The following SPATA18 variants were observed in gnomAD, a reference collection of about 807,000 sequenced individuals.
SPATA18 encodes mitochondria-eating protein.
SPATA18 carries 54 observed loss-of-function variants against 68.1 expected under a neutral mutation model. The observed-to-expected ratio is 0.79, with a 90% CI of 0.64 to 0.99. The LOEUF (loss-of-function observed/expected upper bound fraction) is 0.99. Among genes scored for constraint, SPATA18 ranks in the 50% least tolerant of loss-of-function variants. The pLI is 0.00. For missense variants in SPATA18, 724 were observed against 681.1 expected, an observed-to-expected ratio of 1.06 and a Z score of -0.70; for synonymous variants, 242 against 244.8, an observed-to-expected ratio of 0.99 and a Z score of 0.11.
intron 1 of SPATA18, among the ~76,000 whole-genome samples, chr4:52,056,124 T>G (rs1738320284): frequency 1.3e-5 from 2 of 152,130 alleles, no homozygotes. Flanking sequence ...ATAGCAAAAT[T>G]GCCCCTCATT....
intron 6 of SPATA18, among the ~76,000 whole-genome samples, chr4:52,072,963 G>A (rs1739995918): frequency 6.6e-6 from 1 of 152,148 alleles, no homozygotes; most frequent in Non-Finnish European, 1.5e-5. Flanking sequence ...CATCCAGACA[G>A]TGTTAAGTAA....
intron 10 of SPATA18, chr4:52,082,800 A>G (rs1741060239): frequency 8.2e-7 from 1 of 1,213,384 alleles, no homozygotes; most frequent in South Asian, 1.8e-5. Flanking sequence ...TTTAAAAACA[A>G]AGCCCTTTGA....
At chr4:52,056,668 G>T (rs532215214) in intron 1 of SPATA18, among the ~76,000 whole-genome samples, 3 of 152,158 alleles carry the variant, frequency 2.0e-5, no homozygotes, top group African/African-American at 4.8e-5. Flanking sequence ...TACTGGCACA[G>T]GTGTAATTTG....
chr4:52,077,224 T>TTTCC (rs1304546799), intron 7 of SPATA18, among the ~76,000 whole-genome samples, 184 bp downstream of exon 7: 1 of 150,534 alleles, frequency 6.6e-6, no homozygotes, highest in Non-Finnish European at 1.5e-5. Flanking sequence ...TCCTTTCCTA[T>TTTCC]TTCCTTCCTT....
chr4:52,094,778 C>T (rs1742290555), intron 12 of SPATA18, 102 bp from the exon 13 acceptor site: 1 of 1,508,100 alleles, frequency 6.6e-7, no homozygotes, highest in Non-Finnish European at 9.2e-7. Context: ...CAAGAGGCTT[C>T]ATTGCCATAA....
chr4:52,078,050 A>G (rs1322090708), intron 7 of SPATA18, among the ~76,000 whole-genome samples: 1 of 152,132 alleles, frequency 6.6e-6, no homozygotes, highest in East Asian at 1.9e-4. Flanking sequence ...TTTCTAAGAG[A>G]AATACTACTG....
intron 6 of SPATA18, among the ~76,000 whole-genome samples, chr4:52,074,397 G>A (rs1740135145): frequency 6.6e-6 from 1 of 152,154 alleles, no homozygotes. Context: ...TTTTTGAGAG[G>A]CCCCATATGA....
chr4:52,060,120 A>G (rs1206516790), intron 1 of SPATA18, among the ~76,000 whole-genome samples: 1 of 152,196 alleles, frequency 6.6e-6, no homozygotes, highest in African/African-American at 2.4e-5. Flanking sequence ...AGAAGGGAAA[A>G]GAAAAAAAAG....
intron 10 of SPATA18, chr4:52,083,086 C>T: frequency 1.2e-6 from 1 of 864,970 alleles, no homozygotes; most frequent in Non-Finnish European, 1.3e-6. Context: ...AATACTTGAA[C>T]AGCCTTTAAA....
chr4:52,094,875 C>T lies in SPATA18; in HGVS notation c.1610-5C>T. On this transcript the variant is annotated splice_region_variant and splice_polypyrimidine_tract_variant and intron_variant, in intron 12 of 12. Coordinates refer to ENST00000295213, the MANE Select transcript of SPATA18 (RefSeq NM_145263.4). Reference sequence around the variant, plus strand: ...TAATAATGAACTGTCTATTTTTCTCCCTAGGATTTTAAAAGCACCAGACCT... The same window carrying T: ...TAATAATGAACTGTCTATTTTTCTCTCTAGGATTTTAAAAGCACCAGACCT... 2 of 1,613,862 alleles carry T rather than the reference C, an allele frequency of 1.2e-6. No individual in the cohort carries two copies. The highest frequency in any genetic ancestry group is 1.7e-6 in the Non-Finnish European group (2 of 1,179,890).
Position 52,076,888 on chromosome 4 carries a change from C to A in SPATA18, c.868C>A (p.Arg290Ser), listed in dbSNP as rs999831483. The A allele has an allele frequency of 5.6e-6, 9 of 1,614,088 alleles. No individual in the cohort carries two copies. Among genetic ancestry groups the A allele is most frequent in the Non-Finnish European group, 7.6e-6 (9 of 1,180,038 alleles). The change falls in exon 7 of 13, where the codon CGC becomes AGC. Residue 290 changes from arginine to serine, a missense_variant. Transcript: ENST00000295213. Reference sequence around the variant, plus strand: ...CAAGGTCAGGAGACCGTCCCCAAACCGCTCCAAGCTGTCCAATGTGGCGCG... The same window carrying A: ...CAAGGTCAGGAGACCGTCCCCAAACAGCTCCAAGCTGTCCAATGTGGCGCG... ...AVKVRRPSPN[R>S]SKLSNVARKA...
intron 11 of SPATA18, among the ~76,000 whole-genome samples, chr4:52,088,497 TTTTATTGAA>T (rs1370858574): frequency 2.0e-5 from 3 of 152,304 alleles, no homozygotes; most frequent in African/African-American, 7.2e-5. Context: ...GCGTGTGGAA[TTTTATTGAA>T]TTTATTGAAT....
At chr4:52,094,715 T>C in intron 12 of SPATA18, 143 bp downstream of exon 12, 3 of 1,271,200 alleles carry the variant, frequency 2.4e-6, no homozygotes, top group Non-Finnish European at 3.4e-6. Context: ...TCTGGGCCTC[T>C]GGCTGATGGT....
rs1227753590 is a variant in SPATA18 at position 52,083,288 on chromosome 4, G to A, written c.1479+778G>A. On this transcript the variant is annotated intron_variant, in intron 10 of 12. Transcript: ENST00000295213. Reference sequence around the variant, plus strand: ...TGATGCCCACAGCTGGCTGATCTCTGTTCCTGTTCTCCTTGAACTGAAGAA... The same window carrying A: ...TGATGCCCACAGCTGGCTGATCTCTATTCCTGTTCTCCTTGAACTGAAGAA... The A allele has an allele frequency of 9.1e-6, 9 of 985,332 alleles. No individual in the cohort carries two copies. In the East Asian group the frequency reaches 9.1e-4, roughly 100 times the overall value. 61.0% of individuals were successfully genotyped at this position (985,332 alleles called of 1,614,324 possible).
chr4:52,066,107 G>A (rs886694683), intron 4 of SPATA18, among the ~76,000 whole-genome samples: 12 of 152,146 alleles, frequency 7.9e-5, no homozygotes, highest in Middle Eastern at 3.4e-3. Context: ...TTTCCACTTA[G>A]CAAATATGTA....
intron 10 of SPATA18, chr4:52,082,985 C>A (rs544412957): frequency 1.0e-6 from 1 of 985,326 alleles, no homozygotes; most frequent in East Asian, 1.1e-4. Context: ...ACAAAGAGGG[C>A]AGAGGAGGTG....
In SPATA18 at chr4:52,091,286, C is replaced by T. The variant is rs540117070; in HGVS notation, c.1564-3241C>T. Reference sequence around the variant, plus strand: ...ATTACCATCGTTCTGAAGCCTACTTCTGTCAGTTCATCAAACTCATTCTCC... The same window carrying T: ...ATTACCATCGTTCTGAAGCCTACTTTTGTCAGTTCATCAAACTCATTCTCC... On this transcript the variant is annotated intron_variant, in intron 11 of 12. Transcript: ENST00000295213. 6.6e-5 allele frequency among the ~76,000 whole-genome samples: 10 copies of T among 152,174 alleles called. No homozygotes were observed. The East Asian group carries it at 1.9e-3, about 30-fold the overall frequency.
chr4:52,085,364 T>A (rs1741330082), intron 11 of SPATA18, among the ~76,000 whole-genome samples: 3 of 152,220 alleles, frequency 2.0e-5, no homozygotes. Flanking sequence ...GAAATTTGTG[T>A]ATGAGTTTAG....
At chr4:52,074,410 G>A (rs1007199691) in intron 6 of SPATA18, among the ~76,000 whole-genome samples, 1 of 152,174 alleles carries the variant, frequency 6.6e-6, no homozygotes, top group African/African-American at 2.4e-5. Flanking sequence ...CCATATGAGA[G>A]GAAAAGTCAT....
Sources: gnomAD v4.1 joint callset for allele counts (sites outside exome capture counted in the v4.1 genomes callset) on GRCh38, gnomAD v4.1.1 for gene constraint, MANE v1.5 for transcripts, NCBI Gene and HGNC (gene_info 2026-07-23, HGNC 2026-07-21) for gene names.